GRWD1: variants seen among roughly 807,000 people sequenced by gnomAD.
GRWD1 encodes the protein glutamate rich WD repeat containing 1.
Under a neutral mutation model 45.3 loss-of-function variants are expected in GRWD1, and 29 were observed. The observed-to-expected ratio is 0.64, with a 90% confidence interval of 0.48 to 0.87. The LOEUF (loss-of-function observed/expected upper bound fraction) is 0.87, where lower values mean the gene tolerates loss of function less well. Ranked by LOEUF, GRWD1 falls within the 40% of genes least tolerant of loss-of-function variation. The probability of loss-of-function intolerance (pLI) is 0.00; values close to 1 mark genes in which losing one functional copy is unlikely to be tolerated. For missense variants in GRWD1, 592 were observed against 618.8 expected (o/e 0.96, Z 0.46); for synonymous variants, 262 against 257.6 (o/e 1.02, Z -0.16).
rs755684797 is a variant in GRWD1 at position 48,451,072 on chromosome 19, C to T, written c.864C>T (p.Ile288=). The T allele has an allele frequency of 6.2e-7, 1 of 1,614,148 alleles. No homozygotes were observed. The highest frequency in any genetic ancestry group is 8.5e-7 in the Non-Finnish European group (1 of 1,180,026). Reference sequence around the variant, plus strand: ...GCTCAGCTGACGCCTCCATCCGCATCTGGGACATCCGGGCAGCCCCCAGCA... The same window carrying T: ...GCTCAGCTGACGCCTCCATCCGCATTTGGGACATCCGGGCAGCCCCCAGCA... The part of the protein sequence containing the change: ...ASCSADASIR[I]WDIRAAPSKA... The change falls in exon 6 of 7, where the codon ATC becomes ATT. Residue 288 remains isoleucine, a synonymous_variant. Coordinates refer to ENST00000253237, the MANE Select transcript of GRWD1 (RefSeq NM_031485.4).
Position 48,452,081 on chromosome 19 carries a change from CTTTTTTTCTTTTTTTTTT to C in GRWD1, c.1024-609_1024-592del, listed in dbSNP as rs1451620408. Reference sequence around the variant, plus strand: ...AGAGCTCTGGGAGAGCCATGCCCTCCTTTTTTTCTTTTTTTTTTTTTTTTTCTTTTTTTTTGCGATGGA... The same window carrying C: ...AGAGCTCTGGGAGAGCCATGCCCTCCTTTTTTTCTTTTTTTTTGCGATGGA... On this transcript the variant is annotated intron_variant, in intron 6 of 6. Coordinates refer to ENST00000253237, the MANE Select transcript of GRWD1 (RefSeq NM_031485.4). The surrounding 1 kb of genome is among the most constrained non-coding windows in gnomAD (Gnocchi z 5.1). Among the ~76,000 whole-genome samples the C allele has an allele frequency of 2.5e-4, 20 of 78,560 alleles. No individual in the cohort carries two copies. In the East Asian group the frequency reaches 4.1e-3, roughly 16 times the overall value. The allele number at this position is 78,560 out of a possible 152,430, so 51.5% of individuals were successfully genotyped here. A position where few individuals can be genotyped will look rare whatever the true frequency, so the allele number is the denominator to read the frequency against.
At position 48,446,656 on chromosome 19, in the gene GRWD1, T is replaced by C. The variant is rs777390325; in HGVS notation, c.306-25T>C. On this transcript the variant is annotated intron_variant, in intron 2 of 6. Coordinates refer to ENST00000253237, the MANE Select transcript of GRWD1 (RefSeq NM_031485.4). ...CCTAAGAATCCTGGAATCTAGTGCC[T>C]AACTCACCCCACAATTTCTCCCAGA... is the stretch of plus-strand genomic sequence containing the variant. 31 of 1,565,614 alleles carry C rather than the reference T, an allele frequency of 2.0e-5. No homozygotes were observed. In the East Asian group the frequency reaches 6.9e-4, roughly 35 times the overall value.
chr19:48,452,883 T>G lies in GRWD1; in HGVS notation c.1199T>G (p.Leu400Arg). 1 of 1,612,464 alleles carries G rather than the reference T, an allele frequency of 6.2e-7. No homozygotes were observed. The highest frequency in any genetic ancestry group is 8.5e-7 in the Non-Finnish European group (1 of 1,179,790). ...GGCGACGTGGAGGCCGACCCCGGACTGGCCGACCTCCCGCAGCAGCTGCTG... is the reference window on the plus strand; with the variant it reads ...GGCGACGTGGAGGCCGACCCCGGACGGGCCGACCTCCCGCAGCAGCTGCTG... Reference protein sequence around the residue: ...EAGDVEADPGLADLPQQLLFV... With the variant: ...EAGDVEADPGRADLPQQLLFV... The change falls in exon 7 of 7, where the codon CTG (leucine) becomes CGG (arginine). Residue 400 changes from leucine (L) to arginine (R), a missense_variant. By Grantham distance (102) the Leu-to-Arg change is moderately radical. Coordinates refer to ENST00000253237, the MANE Select transcript of GRWD1 (RefSeq NM_031485.4). The surrounding 1 kb of genome is among the most constrained non-coding windows in gnomAD (Gnocchi z 5.1).
At position 48,450,619 on chromosome 19, in the gene GRWD1, A is replaced by G; in HGVS notation, c.683-47A>G. 1 of 1,610,014 alleles carries G rather than the reference A, an allele frequency of 6.2e-7. No individual in the cohort carries two copies. Among genetic ancestry groups the G allele is most frequent in the Non-Finnish European group, 8.5e-7 (1 of 1,177,604 alleles). On this transcript the variant is annotated intron_variant, in intron 4 of 6. Coordinates refer to ENST00000253237, the MANE Select transcript of GRWD1 (RefSeq NM_031485.4). This position sits in a 1 kb window ranked among gnomAD's most constrained non-coding sequence, Gnocchi z 5.1. ...CGCTTAGACTCCAAGGAGGGGAGCG[A>G]GCTGCGGCCAGGTGGGGCGAGGTCA... is the stretch of plus-strand genomic sequence containing the variant.
At chr19:48,446,538 A>T in intron 2 of GRWD1, 36 bp downstream of exon 2, 1 of 1,602,810 alleles carries the variant, frequency 6.2e-7, no homozygotes, top group Non-Finnish European at 8.5e-7. Flanking sequence ...CAGGAGGCTC[A>T]GTTTCCAGCC....
At chr19:48,451,950 G>A (rs1468850231) in intron 6 of GRWD1, among the ~76,000 whole-genome samples, 2 of 152,170 alleles carry the variant, frequency 1.3e-5, no homozygotes, top group East Asian at 1.9e-4. Context: ...CCAATTGAGC[G>A]GGGCCTTTGC....
chr19:48,455,805 C>G lies in GRWD1; in HGVS notation c.*2780C>G, dbSNP rs888851223. 1 of 152,280 alleles carries G rather than the reference C, an allele frequency of 6.6e-6. No homozygotes were observed. Among genetic ancestry groups the G allele is most frequent in the Non-Finnish European group, 1.5e-5 (1 of 68,092 alleles). 9.4% of individuals were successfully genotyped at this position (152,280 alleles called of 1,614,324 possible). A position where few individuals can be genotyped will look rare whatever the true frequency, so the allele number is the denominator to read the frequency against. ...TCATGGCGTTCCCTGAGCCTGTTCC[C>G]CAACTGTGAAAGGGGGTGATGATCT... On this transcript the variant is annotated 3_prime_UTR_variant, in exon 7 of 7. Transcript: ENST00000253237.
Position 48,452,683 on chromosome 19 carries a change from C to T in GRWD1, c.1024-25C>T, listed in dbSNP as rs539216337. On this transcript the variant is annotated intron_variant, in intron 6 of 6. Coordinates refer to ENST00000253237, the MANE Select transcript of GRWD1 (RefSeq NM_031485.4). This position sits in a 1 kb window ranked among gnomAD's most constrained non-coding sequence, Gnocchi z 5.1. ...GAGTCAGGCTGAGGCATTCAGAGCC[C>T]GTTCCTCCCATCCTCTCCCTCTAGT... 7.8e-6 allele frequency: 12 copies of T among 1,534,068 alleles called. No individual in the cohort carries two copies. The African/African-American group carries it at 8.2e-5, about 10-fold the overall frequency.
chr19:48,451,086 C>A lies in GRWD1; in HGVS notation c.878C>A (p.Ala293Glu). The stretch of plus-strand genomic sequence containing the variant: ...TCCATCCGCATCTGGGACATCCGGG[C>A]AGCCCCCAGCAAGGCCTGCATGCTC... ...DASIRIWDIR[A>E]APSKACMLTT... The change falls in exon 6 of 7, where the codon GCA (alanine) becomes GAA (glutamate). Residue 293 changes from alanine to glutamate, a missense_variant. Transcript: ENST00000253237. 1 of 1,614,116 alleles carries A rather than the reference C, an allele frequency of 6.2e-7. No homozygotes were observed. The highest frequency in any genetic ancestry group is 8.5e-7 in the Non-Finnish European group (1 of 1,180,016).
intron 3 of GRWD1, among the ~76,000 whole-genome samples, chr19:48,448,631 A>T (rs1971437725): frequency 6.6e-6 from 1 of 152,230 alleles, no homozygotes; most frequent in Non-Finnish European, 1.5e-5. Context: ...CTGTCATAAA[A>T]TGCCATTTGC....
intron 1 of GRWD1, 95 bp from the exon 2 acceptor site, chr19:48,446,290 T>C: frequency 1.3e-6 from 2 of 1,557,378 alleles, no homozygotes; most frequent in African/African-American, 1.4e-5. Flanking sequence ...CTAAGAGAAG[T>C]GATTTCATAC....
At position 48,450,781 on chromosome 19, in the gene GRWD1, C is replaced by A; in HGVS notation, c.798C>A (p.Asp266Glu). ...TGGGCCACACACGCTCTGTGGAGGACCTGCAGTGGTCACCGACTGAGAACA... is the reference window on the plus strand; with the variant it reads ...TGGGCCACACACGCTCTGTGGAGGAACTGCAGTGGTCACCGACTGAGAACA... ...PFVGHTRSVE[D>E]LQWSPTENTV... The change falls in exon 5 of 7, where the codon GAC becomes GAA. Residue 266 changes from aspartate (D) to glutamate (E), a missense_variant. Coordinates refer to ENST00000253237, the MANE Select transcript of GRWD1 (RefSeq NM_031485.4). The surrounding 1 kb of genome is among the most constrained non-coding windows in gnomAD (Gnocchi z 5.1). 1 of 1,613,986 alleles carries A rather than the reference C, an allele frequency of 6.2e-7. No individual in the cohort carries two copies. The highest frequency in any genetic ancestry group is 8.5e-7 in the Non-Finnish European group (1 of 1,179,980).
In GRWD1 at chr19:48,450,717, C is replaced by T. The variant is rs539481541; in HGVS notation, c.734C>T (p.Thr245Met). The T allele has an allele frequency of 5.4e-5, 87 of 1,613,946 alleles. No individual in the cohort carries two copies. The highest frequency in any genetic ancestry group is 6.8e-5 in the Non-Finnish European group (80 of 1,180,034). Residue 245 changes from threonine to methionine, a missense_variant, in exon 5 of 7, where the codon ACG (threonine) becomes ATG (methionine). By Grantham distance (81) the Thr-to-Met change is moderately conservative. Transcript: ENST00000253237. This position sits in a 1 kb window ranked among gnomAD's most constrained non-coding sequence, Gnocchi z 5.1. ...CQKNIHLWTP[T>M]DGGSWHVDQR... ...AAGAACATCCACCTCTGGACACCTA[C>T]GGACGGCGGCTCCTGGCACGTGGAC... is the stretch of plus-strand genomic sequence containing the variant.
rs1008215695 is a variant in GRWD1 at position 48,449,892 on chromosome 19, A to G, written c.469-421A>G. ...CAGGGGAGAGGTCAGGGCTAGGGGT[A>G]TTGGAAACCTCGTGGCTGGACTGGG... is the stretch of plus-strand genomic sequence containing the variant. On this transcript the variant is annotated intron_variant, in intron 3 of 6. Coordinates refer to ENST00000253237, the MANE Select transcript of GRWD1 (RefSeq NM_031485.4). 3.3e-5 allele frequency among the ~76,000 whole-genome samples: 5 copies of G among 152,116 alleles called. No individual in the cohort carries two copies. The South Asian group carries it at 1.0e-3, about 31-fold the overall frequency.
chr19:48,452,207 C>T lies in GRWD1; in HGVS notation c.1024-501C>T, dbSNP rs1300321005. On this transcript the variant is annotated intron_variant, in intron 6 of 6. Transcript: ENST00000253237. The surrounding 1 kb of genome is among the most constrained non-coding windows in gnomAD (Gnocchi z 5.1). ...CTCCCGCTCCTGGGTTCAAGCGATT[C>T]TCCTGCCTCAGCCTCCTGAGTAACT... Among the ~76,000 whole-genome samples the T allele has an allele frequency of 6.6e-6, 1 of 151,540 alleles. No individual in the cohort carries two copies. Among genetic ancestry groups the T allele is most frequent in the Non-Finnish European group, 1.5e-5 (1 of 67,956 alleles).
chr19:48,447,952 CTGTT>C (rs1971429960), intron 3 of GRWD1, among the ~76,000 whole-genome samples: 1 of 152,018 alleles, frequency 6.6e-6, no homozygotes, highest in South Asian at 2.1e-4. Flanking sequence ...TTGGTTGTGG[CTGTT>C]TGTTTTGTTT....
At chr19:48,449,196 C>T (rs1333891168) in intron 3 of GRWD1, among the ~76,000 whole-genome samples, 4 of 152,090 alleles carry the variant, frequency 2.6e-5, no homozygotes, top group Non-Finnish European at 5.9e-5. Flanking sequence ...TGGGTTCAAG[C>T]GATTCTCCTG....
intron 3 of GRWD1, among the ~76,000 whole-genome samples, chr19:48,449,221 G>A (rs1178681842): frequency 6.6e-6 from 1 of 152,114 alleles, no homozygotes; most frequent in Non-Finnish European, 1.5e-5. Context: ...AGCCTCCTAA[G>A]TAGCTGGGAT....
chr19:48,456,861 A>G lies in GRWD1; in HGVS notation c.*3836A>G, dbSNP rs1971544791. 1 of 151,274 alleles carries G rather than the reference A, an allele frequency of 6.6e-6. No homozygotes were observed. The highest frequency in any genetic ancestry group is 1.5e-5 in the Non-Finnish European group (1 of 67,892). 9.4% of individuals were successfully genotyped at this position (151,274 alleles called of 1,614,324 possible). On this transcript the variant is annotated 3_prime_UTR_variant, in exon 7 of 7. Transcript: ENST00000253237. ...CTTTATTTTTTATTTTTAATTATTT[A>G]TTTATTTTTTAGAGACAGGGTTTTG...
Sources: gnomAD v4.1 joint callset for allele counts (sites outside exome capture counted in the v4.1 genomes callset) on GRCh38, gnomAD v4.1.1 for gene constraint, Gnocchi (gnomAD v3.1) non-coding constraint, MANE v1.5 for transcripts, NCBI Gene and HGNC (gene_info 2026-07-23, HGNC 2026-07-21) for gene names.